The following MLIP variants were observed in gnomAD, a reference collection of about 807,000 sequenced individuals.
MLIP encodes muscular LMNA-interacting protein.
In MLIP, 79 loss-of-function variants were observed where a neutral mutation model predicts 84.8. That is an observed-to-expected ratio of 0.93 (90% CI 0.78 to 1.12). The LOEUF is 1.12. Ranked by LOEUF, MLIP falls within the 50% of genes most tolerant of loss-of-function variation. MLIP has a pLI of 0.00. For missense variants in MLIP, 1,257 were observed against 1,160.6 expected (o/e 1.08, Z -1.21); for synonymous variants, 504 against 463.0 (o/e 1.09, Z -1.14).
chr6:54,026,080 G>A (rs1763785044), intron 1 of MLIP, among the ~76,000 whole-genome samples: 1 of 152,112 alleles, frequency 6.6e-6, no homozygotes, highest in African/African-American at 2.4e-5. Context: ...GCAACTGGAG[G>A]GAATTCGGAA....
At chr6:54,264,590 A>G (rs1281049563) in intron 13 of MLIP, among the ~76,000 whole-genome samples, 1 of 152,132 alleles carries the variant, frequency 6.6e-6, no homozygotes, top group Non-Finnish European at 1.5e-5. Context: ...CTTAAAAAGT[A>G]TTAGCCAAAT....
At chr6:54,054,515 A>T (rs1282004889) in intron 1 of MLIP, among the ~76,000 whole-genome samples, 1 of 152,122 alleles carries the variant, frequency 6.6e-6, no homozygotes, top group Non-Finnish European at 1.5e-5. Context: ...GTGAACTGAA[A>T]GCAGAAACAT....
intron 8 of MLIP, among the ~76,000 whole-genome samples, chr6:54,161,068 C>T (rs1300596804): frequency 1.3e-5 from 2 of 151,482 alleles, no homozygotes; most frequent in Non-Finnish European, 2.9e-5. Flanking sequence ...GGGTCCAGTT[C>T]AAAACAGTTT....
chr6:54,125,014 A>G, intron 3 of MLIP, 149 bp downstream of exon 3: 1 of 604,712 alleles, frequency 1.7e-6, no homozygotes, highest in Non-Finnish European at 2.7e-6. Context: ...AGGGTAATAA[A>G]TCATCATAGT....
chr6:54,186,056 G>C (rs1392077967), intron 9 of MLIP, among the ~76,000 whole-genome samples: 1 of 152,060 alleles, frequency 6.6e-6, no homozygotes, highest in Non-Finnish European at 1.5e-5. Context: ...TCAAAACCCA[G>C]AAAACAAACA....
intron 12 of MLIP, among the ~76,000 whole-genome samples, chr6:54,232,394 A>G (rs1781067611): frequency 6.6e-6 from 1 of 152,164 alleles, no homozygotes. Context: ...TTAGGCTGAG[A>G]AGAACAAAAG....
chr6:54,019,407 G>T (rs188196371), intron 1 of MLIP, among the ~76,000 whole-genome samples: 1 of 152,094 alleles, frequency 6.6e-6, no homozygotes, highest in Non-Finnish European at 1.5e-5. Flanking sequence ...TTTTATTTAC[G>T]TATGCGAAGC....
intron 12 of MLIP, among the ~76,000 whole-genome samples, chr6:54,235,586 A>T (rs1781308539): frequency 6.6e-6 from 1 of 152,204 alleles, no homozygotes; most frequent in Admixed American, 6.5e-5. Context: ...AAGGTAGTAA[A>T]GATCTATTAA....
At chr6:54,161,952 A>G (rs1046320925) in intron 8 of MLIP, among the ~76,000 whole-genome samples, 8 of 151,940 alleles carry the variant, frequency 5.3e-5, no homozygotes, top group African/African-American at 1.7e-4. Context: ...TATTATATTA[A>G]ATATAATGAG....
chr6:54,081,474 C>T (rs1212412830), intron 1 of MLIP, among the ~76,000 whole-genome samples: 1 of 152,148 alleles, frequency 6.6e-6, no homozygotes, highest in Non-Finnish European at 1.5e-5. Context: ...ATGGCGCGAT[C>T]TCCGCTCACT....
intron 12 of MLIP, among the ~76,000 whole-genome samples, chr6:54,242,520 T>C (rs964421242): frequency 1.3e-5 from 2 of 152,124 alleles, no homozygotes. Flanking sequence ...CTCTGAAATA[T>C]TTTTTGCCAG....
intron 12 of MLIP, among the ~76,000 whole-genome samples, chr6:54,238,516 C>T (rs1781511473): frequency 6.6e-6 from 1 of 152,140 alleles, no homozygotes; most frequent in African/African-American, 2.4e-5. Context: ...AGGAAGTTAT[C>T]ACTTATTGTT....
In MLIP at chr6:54,195,437, G is replaced by A. The variant is rs566332225; in HGVS notation, c.2589+5523G>A. Among the ~76,000 whole-genome samples the A allele has an allele frequency of 3.4e-4, 52 of 152,098 alleles. 1 individual carries two copies. The highest frequency in any genetic ancestry group is 1.1e-3 in the African/African-American group (47 of 41,504). On this transcript the variant is annotated intron_variant, in intron 10 of 13. Coordinates refer to ENST00000502396, the MANE Select transcript of MLIP (RefSeq NM_001281747.2). ...CCATTAGTGTTAGTTGAAGTTACTA[G>A]TTTAAGAAAGATTTTGCTGTAAAAA...
chr6:54,064,162 T>C (rs1313691284), intron 1 of MLIP, among the ~76,000 whole-genome samples: 1 of 100,296 alleles, frequency 1.0e-5, no homozygotes, highest in African/African-American at 2.6e-5. Flanking sequence ...TTCATATGTT[T>C]ATTTTGTGTG....
At chr6:54,070,828 A>G (rs1397393353) in intron 1 of MLIP, among the ~76,000 whole-genome samples, 1 of 152,184 alleles carries the variant, frequency 6.6e-6, no homozygotes, top group African/African-American at 2.4e-5. Flanking sequence ...ATTTTGCTAT[A>G]TATGCAACAC....
chr6:54,166,635 A>C (rs567528411), intron 8 of MLIP, among the ~76,000 whole-genome samples: 1 of 151,840 alleles, frequency 6.6e-6, no homozygotes, highest in South Asian at 2.1e-4. Context: ...TTCTTCCCAA[A>C]CTGTTAATGT....
At chr6:54,193,918 A>C (rs1005108409) in intron 10 of MLIP, among the ~76,000 whole-genome samples, 1 of 152,146 alleles carries the variant, frequency 6.6e-6, no homozygotes, top group Non-Finnish European at 1.5e-5. Context: ...AGGCACCCCA[A>C]GGTAGCTAAA....
chr6:54,181,807 G>C (rs752713560), intron 9 of MLIP, among the ~76,000 whole-genome samples: 2 of 152,176 alleles, frequency 1.3e-5, no homozygotes, highest in African/African-American at 2.4e-5. Flanking sequence ...GAAACATCAT[G>C]AGCCAGGGCC....
chr6:54,062,520 A>T (rs572977746), intron 1 of MLIP, among the ~76,000 whole-genome samples: 2 of 152,262 alleles, frequency 1.3e-5, no homozygotes, highest in East Asian at 3.9e-4. Context: ...AAAACTCAAC[A>T]TCTGAACTCT....
Sources: gnomAD v4.1 joint callset for allele counts (sites outside exome capture counted in the v4.1 genomes callset) on GRCh38, gnomAD v4.1.1 for gene constraint, MANE v1.5 for transcripts, NCBI Gene and HGNC (gene_info 2026-07-23, HGNC 2026-07-21) for gene names.